MYO10: variants seen among roughly 807,000 people sequenced by gnomAD.
The protein encoded by MYO10 is unconventional myosin-X.
MYO10 carries 133 observed loss-of-function variants against 257.3 expected under a neutral mutation model. The observed-to-expected ratio is 0.52, with a 90% CI of 0.45 to 0.60. The LOEUF (loss-of-function observed/expected upper bound fraction) is 0.60. Among genes scored for constraint, MYO10 ranks in the 20% least tolerant of loss-of-function variants. The pLI, the probability that MYO10 is intolerant of heterozygous loss-of-function variation, is 0.00. For missense variants in MYO10, 2,399 were observed against 2,635.7 expected, an observed-to-expected ratio of 0.91 and a Z score of 1.97; for synonymous variants, 1,104 against 1,028.6, an observed-to-expected ratio of 1.07 and a Z score of -1.40.
In MYO10 at chr5:16,701,509, C is replaced by T. The variant is rs372202713; in HGVS notation, c.2886G>A (p.Ser962=). The T allele has an allele frequency of 4.3e-6, 7 of 1,613,902 alleles. No individual in the cohort carries two copies. The highest frequency in any genetic ancestry group is 1.3e-5 in the African/African-American group (1 of 74,940). The part of the protein sequence containing the change: ...ECVRNIERSL[S]VGSEFSSELA... ...GCTCGCTGGAAAATTCGCTTCCCAC[C>T]GACAGGGACCGCTCGATATTCCGGA... Residue 962 remains serine (S), a synonymous_variant, in exon 25 of 41, where the codon TCG becomes TCA. Coordinates refer to ENST00000513610, the MANE Select transcript of MYO10 (RefSeq NM_012334.3). This position sits in a 1 kb window ranked among gnomAD's most constrained non-coding sequence, Gnocchi z 8.1.
intron 18 of MYO10, among the ~76,000 whole-genome samples, chr5:16,755,856 T>G (rs1241588932): frequency 6.6e-6 from 1 of 152,046 alleles, no homozygotes; most frequent in Non-Finnish European, 1.5e-5. Flanking sequence ...CCCACCCCTG[T>G]GGAAAAGCAA....
At chr5:16,680,301 A>G (rs575441759) in intron 32 of MYO10, among the ~76,000 whole-genome samples, 197 bp from the exon 33 acceptor site, 1 of 152,290 alleles carries the variant, frequency 6.6e-6, no homozygotes, top group East Asian at 1.9e-4. Flanking sequence ...GCACTGTGAC[A>G]TTTACAGCTG....
chr5:16,796,495 G>T (rs564381387), intron 3 of MYO10, among the ~76,000 whole-genome samples: 21 of 151,116 alleles, frequency 1.4e-4, no homozygotes, highest in Admixed American at 1.1e-3. Flanking sequence ...AAGAAAGAAA[G>T]AAGGAAAATA....
chr5:16,763,596 A>C (rs890393708), intron 13 of MYO10, 49 bp from the exon 14 acceptor site: 1 of 1,584,198 alleles, frequency 6.3e-7, no homozygotes, highest in African/African-American at 1.3e-5. Context: ...ATAGCTTCAA[A>C]ACGAATCTAG....
At chr5:16,762,326 G>A (rs548919814) in intron 15 of MYO10, among the ~76,000 whole-genome samples, 11 of 152,152 alleles carry the variant, frequency 7.2e-5, no homozygotes, top group Admixed American at 2.6e-4. Context: ...ACAATTTTAC[G>A]TTCTCTAAAT....
chr5:16,814,287 G>A lies in MYO10; in HGVS notation c.279+3722C>T, dbSNP rs934422328. On this transcript the variant is annotated intron_variant, in intron 3 of 40. Transcript: ENST00000513610. ...CTCCCGAGTACCTAGGACTACAGGC[G>A]CCCGCCACCACACCCGGCTAATTTT... 2.7e-4 allele frequency among the ~76,000 whole-genome samples: 41 copies of A among 151,700 alleles called. 1 individual carries two copies. The highest frequency in any genetic ancestry group is 8.2e-4 in the African/African-American group (34 of 41,318).
At chr5:16,738,699 T>A (rs112541831) in intron 19 of MYO10, among the ~76,000 whole-genome samples, 1 of 151,970 alleles carries the variant, frequency 6.6e-6, no homozygotes, top group African/African-American at 2.4e-5. Flanking sequence ...GAAACCAGCC[T>A]GGCCAACATG....
intron 4 of MYO10, among the ~76,000 whole-genome samples, chr5:16,792,382 C>T (rs563375221): frequency 1.3e-5 from 2 of 152,252 alleles, no homozygotes; most frequent in South Asian, 2.1e-4. Context: ...TTCAATGTGC[C>T]GATGCCTGGC....
chr5:16,774,704 A>G (rs976842657), intron 9 of MYO10, among the ~76,000 whole-genome samples: 15 of 152,184 alleles, frequency 9.9e-5, no homozygotes, highest in Non-Finnish European at 1.8e-4. Flanking sequence ...TACAGGCGTG[A>G]GCCACCGTGC....
At chr5:16,835,492 G>GTTTTTT (rs1554001242) in intron 2 of MYO10, among the ~76,000 whole-genome samples, 1,047 of 80,864 alleles carry the variant, frequency 0.013, 23 homozygotes, top group Non-Finnish European at 0.016. Context: ...ATTTTTGGCT[G>GTTTTTT]TTTTTTTTTT....
intron 2 of MYO10, among the ~76,000 whole-genome samples, chr5:16,865,007 G>A (rs968838127): frequency 6.6e-6 from 1 of 152,158 alleles, no homozygotes; most frequent in Non-Finnish European, 1.5e-5. Context: ...CATCTCAGAG[G>A]TGGGTATTTC....
chr5:16,877,543 G>A, intron 2 of MYO10, 66 bp downstream of exon 2: 1 of 1,295,196 alleles, frequency 7.7e-7, no homozygotes, highest in Non-Finnish European at 1.1e-6. Context: ...AAGCACACAT[G>A]CCCTGGGCAC....
chr5:16,731,077 G>A (rs1001586160), intron 19 of MYO10, among the ~76,000 whole-genome samples: 2 of 145,028 alleles, frequency 1.4e-5, no homozygotes, highest in African/African-American at 5.2e-5. Context: ...ACTGAGTCTC[G>A]CTCTGTCGCC....
At chr5:16,790,910 TATAC>T (rs1010078257) in intron 4 of MYO10, among the ~76,000 whole-genome samples, 5 of 118,514 alleles carry the variant, frequency 4.2e-5, no homozygotes, top group South Asian at 2.5e-4. Context: ...TATATATATA[TATAC>T]ACACACACAC....
intron 11 of MYO10, among the ~76,000 whole-genome samples, chr5:16,765,173 A>G (rs991233959): frequency 6.6e-6 from 1 of 152,198 alleles, no homozygotes; most frequent in African/African-American, 2.4e-5. Context: ...GATACAAAGT[A>G]TTAATCCTGG....
intron 2 of MYO10, among the ~76,000 whole-genome samples, chr5:16,853,807 T>G: frequency 6.6e-6 from 1 of 152,166 alleles, no homozygotes; most frequent in Non-Finnish European, 1.5e-5. Flanking sequence ...TCTACGTAAG[T>G]GTGTTCATCA....
chr5:16,905,651 C>T (rs371273754), intron 1 of MYO10, among the ~76,000 whole-genome samples: 1 of 152,144 alleles, frequency 6.6e-6, no homozygotes, highest in East Asian at 1.9e-4. Flanking sequence ...AGATGGGTAC[C>T]TTGGATGCAA....
chr5:16,709,228 C>T (rs1032052558), intron 21 of MYO10, among the ~76,000 whole-genome samples: 1 of 152,190 alleles, frequency 6.6e-6, no homozygotes, highest in African/African-American at 2.4e-5. Flanking sequence ...TACCTCTAAG[C>T]CAAGACCTAA....
chr5:16,856,521 G>A (rs551213843), intron 2 of MYO10, among the ~76,000 whole-genome samples: 1 of 151,896 alleles, frequency 6.6e-6, no homozygotes, highest in Non-Finnish European at 1.5e-5. Context: ...CTGCACTCCA[G>A]CCTGGGTGAC....
Sources: gnomAD v4.1 joint callset for allele counts (sites outside exome capture counted in the v4.1 genomes callset) on GRCh38, gnomAD v4.1.1 for gene constraint, Gnocchi (gnomAD v3.1) non-coding constraint, MANE v1.5 for transcripts, NCBI Gene and HGNC (gene_info 2026-07-23, HGNC 2026-07-21) for gene names.